Variants in HAP1 observed in about 807,000 individuals in gnomAD.
HAP1 encodes huntingtin-associated protein 1.
HAP1 carries 59 observed loss-of-function variants against 60.3 expected under a neutral mutation model. The ratio of observed to expected loss-of-function variants is 0.98; its 90% confidence interval spans 0.79 to 1.22. The LOEUF is 1.22. Ranked by LOEUF, HAP1 falls within the 50% of genes most tolerant of loss-of-function variation. The pLI, the probability that HAP1 is intolerant of heterozygous loss-of-function variation, is 0.00. For synonymous variants in HAP1, 346 were observed against 330.6 expected (o/e 1.05, Z -0.50); for missense variants, 825 against 785.3 (o/e 1.05, Z -0.60).
intron 6 of HAP1, among the ~76,000 whole-genome samples, chr17:41,730,846 G>C (rs1162127872): frequency 6.6e-6 from 1 of 152,146 alleles, no homozygotes; most frequent in Non-Finnish European, 1.5e-5. Context: ...TGGGTGCCTG[G>C]TCTCTGGCAG....
In HAP1 at chr17:41,724,753, T is replaced by TG. The variant is rs782692038; in HGVS notation, c.1807dup (p.His603ProfsTer24). 1.2e-6 allele frequency: 2 copies of TG among 1,601,950 alleles called. No individual in the cohort carries two copies. The highest frequency in any genetic ancestry group is 1.1e-5 in the South Asian group (1 of 90,898). ...CCGGCTGGCGGCAGGGAGGGCCCCG[T>TG]GGGGGCACTCACCTTTCTGGAGCAT... is the stretch of plus-strand genomic sequence containing the variant. On this transcript the variant is annotated frameshift_variant, in exon 11 of 11. Coordinates refer to ENST00000347901, the MANE Select transcript of HAP1 (RefSeq NM_177977.3). LOFTEE classifies it low-confidence loss of function (END_TRUNC).
intron 5 of HAP1, 30 bp downstream of exon 5, chr17:41,731,608 A>G: frequency 1.2e-6 from 2 of 1,603,796 alleles, no homozygotes; most frequent in Non-Finnish European, 1.7e-6. Flanking sequence ...ACCCCCTGCT[A>G]GCAGGGACGC....
In HAP1 at chr17:41,734,208, A is replaced by G; in HGVS notation, c.427T>C (p.Ser143Pro). ...AAYVGRRPGV[S>P]GPERAAFIRE... ...ATAAAGGCGGCGCGCTCAGGGCCGGACACCCCGGGTCGCCGGCCAACGTAG... is the reference window on the plus strand; with the variant it reads ...ATAAAGGCGGCGCGCTCAGGGCCGGGCACCCCGGGTCGCCGGCCAACGTAG... The change falls in exon 1 of 11, where the codon TCC (serine) becomes CCC (proline). Residue 143 changes from serine (S) to proline (P), a missense_variant. Coordinates refer to ENST00000347901, the MANE Select transcript of HAP1 (RefSeq NM_177977.3). 1.3e-6 allele frequency: 2 copies of G among 1,596,342 alleles called. No homozygotes were observed. Among genetic ancestry groups the G allele is most frequent in the Non-Finnish European group, 1.7e-6 (2 of 1,167,138 alleles).
intron 1 of HAP1, among the ~76,000 whole-genome samples, 171 bp downstream of exon 1, chr17:41,733,995 G>A (rs1912480569): frequency 6.6e-6 from 1 of 152,188 alleles, no homozygotes; most frequent in Non-Finnish European, 1.5e-5. Context: ...AAGAGCAGAG[G>A]AGGAGATGGA....
intron 6 of HAP1, 42 bp from the exon 7 acceptor site, chr17:41,728,373 C>T: frequency 6.2e-7 from 1 of 1,601,074 alleles, no homozygotes; most frequent in Non-Finnish European, 8.5e-7. Context: ...CTCCCCTGGC[C>T]TTCAGGGACC....
chr17:41,732,269 G>A lies in HAP1; in HGVS notation c.675C>T (p.Asn225=). 3 of 1,614,136 alleles carry A rather than the reference G, an allele frequency of 1.9e-6. No individual in the cohort carries two copies. The highest frequency in any genetic ancestry group is 2.5e-6 in the Non-Finnish European group (3 of 1,180,018). ...VKQNSVLMEE[N]SKLEALLGSA... Reference sequence around the variant, plus strand: ...AGCCCAGCAGGGCTTCCAGCTTGCTGTTCTCCTCCATCAAAACACTGTTCT... The same window carrying A: ...AGCCCAGCAGGGCTTCCAGCTTGCTATTCTCCTCCATCAAAACACTGTTCT... Residue 225 remains asparagine (N), a synonymous_variant, in exon 3 of 11, where the codon AAC becomes AAT. Transcript: ENST00000347901.
At chr17:41,732,644 A>T in intron 2 of HAP1, 75 bp downstream of exon 2, 1 of 1,292,464 alleles carries the variant, frequency 7.7e-7, no homozygotes, top group South Asian at 1.2e-5. Flanking sequence ...GCCAATCAGG[A>T]AATAAACAAG....
In HAP1 at chr17:41,727,095, G is replaced by A; in HGVS notation, c.1325C>T (p.Ser442Phe). The A allele has an allele frequency of 6.3e-7, 1 of 1,592,592 alleles. No homozygotes were observed. Among genetic ancestry groups the A allele is most frequent in the Non-Finnish European group, 8.6e-7 (1 of 1,165,786 alleles). ...AGGGTCTGAGATCATCCTCCTTAGA[G>A]ACGTTCTGAGCTCCTCAGCCAGCGT... ...QETLAEELRTSLRRMISDPVY... is the reference protein window; with the variant it reads ...QETLAEELRTFLRRMISDPVY... Residue 442 changes from serine to phenylalanine, a missense_variant, in exon 9 of 11, where the codon TCT becomes TTT. By Grantham distance (155) the Ser-to-Phe change is radical. Coordinates refer to ENST00000347901, the MANE Select transcript of HAP1 (RefSeq NM_177977.3).
At chr17:41,728,385 G>A in intron 6 of HAP1, 54 bp from the exon 7 acceptor site, 2 of 1,568,510 alleles carry the variant, frequency 1.3e-6, no homozygotes. Flanking sequence ...TCAGGGACCA[G>A]CTCTGGCCCT....
Position 41,732,046 on chromosome 17 carries a change from C to G in HAP1, c.787G>C (p.Asp263His). ...TCCTCCTCCTCTTCTTCATCCTCAT[C>G]CTCCTCATCAGAATCTGAGTAGAGC... The part of the protein sequence containing the change: ...LQLYSDSDEE[D>H]EDEEEEEEEK... The change falls in exon 4 of 11, where the codon GAT becomes CAT. Residue 263 changes from aspartate to histidine, a missense_variant. By Grantham distance (81) the Asp-to-His change is moderately conservative. Transcript: ENST00000347901. The G allele has an allele frequency of 6.3e-7, 1 of 1,597,292 alleles. No homozygotes were observed. Among genetic ancestry groups the G allele is most frequent in the Non-Finnish European group, 8.6e-7 (1 of 1,164,772 alleles).
chr17:41,734,516 T>C lies in HAP1; in HGVS notation c.119A>G (p.Gln40Arg). 1 of 1,611,942 alleles carries C rather than the reference T, an allele frequency of 6.2e-7. No homozygotes were observed. Among genetic ancestry groups the C allele is most frequent in the South Asian group, 1.1e-5 (1 of 90,960 alleles). ...SASPAPEPSAQPQARGTGQRV... is the reference protein window; with the variant it reads ...SASPAPEPSARPQARGTGQRV... ...CTGTCCAGTGCCCCGTGCCTGCGGC[T>C]GCGCAGAGGGCTCCGGAGCGGGACT... The change falls in exon 1 of 11, where the codon CAG becomes CGG. Residue 40 changes from glutamine (Q) to arginine (R), a missense_variant. Transcript: ENST00000347901.
intron 9 of HAP1, among the ~76,000 whole-genome samples, chr17:41,726,344 G>A (rs1360799822): frequency 6.6e-6 from 1 of 150,884 alleles, no homozygotes; most frequent in Non-Finnish European, 1.5e-5. Flanking sequence ...AACCCAGGAG[G>A]CGGAGGTTGC....
rs782035143 is a variant in HAP1, at chr17:41,728,259, T to A, written c.1142A>T (p.Gln381Leu). The change falls in exon 7 of 11, where the codon CAG becomes CTG. Residue 381 changes from glutamine to leucine, a missense_variant. By Grantham distance (113) the Gln-to-Leu change is moderately radical. Coordinates refer to ENST00000347901, the MANE Select transcript of HAP1 (RefSeq NM_177977.3). The stretch of plus-strand genomic sequence containing the variant: ...GGCCTGCAGCCGAGCGACCTCCTGC[T>A]GCTGCCGTTCATAGTTTTCCAGCCT... ...VLRLENYERQQQEVARLQAQV... is the reference protein window; with the variant it reads ...VLRLENYERQLQEVARLQAQV... 6.8e-6 allele frequency: 11 copies of A among 1,613,640 alleles called. No homozygotes were observed. Among genetic ancestry groups the A allele is most frequent in the Non-Finnish European group, 8.5e-6 (10 of 1,180,020 alleles).
chr17:41,724,420 G>A lies in HAP1; in HGVS notation c.*281C>T. 1 of 370,624 alleles carries A rather than the reference G, an allele frequency of 2.7e-6. No homozygotes were observed. The highest frequency in any genetic ancestry group is 4.4e-5 in the South Asian group (1 of 22,560). The allele number at this position is 370,624 out of a possible 1,614,324, so 23.0% of individuals were successfully genotyped here. On this transcript the variant is annotated 3_prime_UTR_variant, in exon 11 of 11. Transcript: ENST00000347901. The stretch of plus-strand genomic sequence containing the variant: ...AGCCTGGGGGATAGAGGAGGCAGGG[G>A]TTGGGGGCAGGGGAAGCAAGCGGGC...
intron 1 of HAP1, among the ~76,000 whole-genome samples, chr17:41,733,352 CTTTTTT>C (rs1226491607): frequency 1.2e-4 from 9 of 74,676 alleles, no homozygotes; most frequent in Non-Finnish European, 1.4e-4. Flanking sequence ...CCGCGCCCGG[CTTTTTT>C]TTTTTTTTTT....
downstream of HAP1, chr17:41,717,750 G>A (rs1017496237): frequency 1.8e-5 from 5 of 275,732 alleles, no homozygotes; most frequent in Non-Finnish European, 3.9e-5. Context: ...TGTTTTGTTT[G>A]CCAGTTTATT....
intron 1 of HAP1, 90 bp downstream of exon 1, chr17:41,734,076 G>A: frequency 4.9e-6 from 5 of 1,026,992 alleles, no homozygotes; most frequent in Non-Finnish European, 7.0e-6. Context: ...AGTGCTAGAG[G>A]GGGCGGGGTG....
intron 1 of HAP1, among the ~76,000 whole-genome samples, chr17:41,733,868 T>G (rs1240846771): frequency 2.0e-5 from 3 of 149,852 alleles, no homozygotes; most frequent in African/African-American, 4.9e-5. Flanking sequence ...GGCACTGCGG[T>G]AGACCCAGGA....
At chr17:41,732,855 G>A (rs1311702079) in intron 1 of HAP1, 57 bp from the exon 2 acceptor site, 2 of 955,772 alleles carry the variant, frequency 2.1e-6, no homozygotes, top group African/African-American at 3.2e-5. Flanking sequence ...AAAAGGAGCA[G>A]ATGCTACCAG....
Sources: allele counts gnomAD v4.1 joint callset (sites outside exome capture counted in the v4.1 genomes callset), GRCh38; gene constraint gnomAD v4.1.1; transcripts MANE v1.5; gene names NCBI Gene and HGNC (gene_info 2026-07-23, HGNC 2026-07-21).